The following PPFIA2 variants were observed in gnomAD, a reference collection of about 807,000 sequenced individuals.
PPFIA2 encodes PPFI scaffold protein A2, also known as liprin-alpha-2.
Under a neutral mutation model 175.5 loss-of-function variants are expected in PPFIA2, and 46 were observed. The observed-to-expected ratio is 0.26, with a 90% CI of 0.21 to 0.34. PPFIA2 has a LOEUF of 0.34. Ranked by LOEUF, PPFIA2 falls within the 10% of genes least tolerant of loss-of-function variation. The pLI is 1.00. For missense variants in PPFIA2, 1,179 were observed against 1,506.1 expected, an observed-to-expected ratio of 0.78 and a Z score of 3.60; for synonymous variants, 568 against 511.4, an observed-to-expected ratio of 1.11 and a Z score of -1.49.
intron 4 of PPFIA2, among the ~76,000 whole-genome samples, chr12:81,462,976 T>C (rs1471433269): frequency 6.6e-6 from 1 of 152,068 alleles, no homozygotes; most frequent in African/African-American, 2.4e-5. Flanking sequence ...AGTGAAAGTA[T>C]GTGTTTAACT....
At chr12:81,462,340 CTCTT>C (rs1440024861) in intron 4 of PPFIA2, among the ~76,000 whole-genome samples, 1 of 142,702 alleles carries the variant, frequency 7.0e-6, no homozygotes, top group African/African-American at 2.5e-5. Flanking sequence ...TGTCATTTTG[CTCTT>C]TGTAGTTGTG....
In PPFIA2 at chr12:81,360,430, C is replaced by T. The variant is rs528329245; in HGVS notation, c.1638-2213G>A. Among the ~76,000 whole-genome samples, 6 of 151,864 alleles carry T rather than the reference C, an allele frequency of 4.0e-5. No homozygotes were observed. The South Asian group carries it at 1.0e-3, about 26-fold the overall frequency. ...AGGTAAGAATTTTTTTAGAGAAAAC[C>T]TATTACCCATCGCTCTGCTTCCTGG... On this transcript the variant is annotated intron_variant, in intron 15 of 32. Coordinates refer to ENST00000549396, the MANE Select transcript of PPFIA2 (RefSeq NM_003625.5).
intron 3 of PPFIA2, among the ~76,000 whole-genome samples, chr12:81,751,142 A>G (rs2083711373): frequency 6.6e-6 from 1 of 152,156 alleles, no homozygotes; most frequent in South Asian, 2.1e-4. Flanking sequence ...TTTAAAAAAA[A>G]AAGATGATTA....
intron 4 of PPFIA2, among the ~76,000 whole-genome samples, chr12:81,462,727 C>G (rs2054875586): frequency 6.6e-6 from 1 of 151,128 alleles, no homozygotes; most frequent in Non-Finnish European, 1.5e-5. Flanking sequence ...TAGGCTAGCT[C>G]TAGTGCTGAA....
intron 4 of PPFIA2, among the ~76,000 whole-genome samples, chr12:81,672,545 G>T (rs538979189): frequency 6.6e-4 from 100 of 151,962 alleles, no homozygotes; most frequent in African/African-American, 2.2e-3. Context: ...CAAGCCCAAG[G>T]ATATGAATTA....
At chr12:81,713,884 G>C (rs1261104004) in intron 3 of PPFIA2, among the ~76,000 whole-genome samples, 2 of 151,248 alleles carry the variant, frequency 1.3e-5, no homozygotes, top group Non-Finnish European at 2.9e-5. Flanking sequence ...TGTGAACAGT[G>C]ACAATTTGTC....
chr12:81,668,618 G>C (rs1028840646), intron 4 of PPFIA2, among the ~76,000 whole-genome samples: 1 of 151,984 alleles, frequency 6.6e-6, no homozygotes, highest in Non-Finnish European at 1.5e-5. Flanking sequence ...TCCCTCCACA[G>C]AGTAAAAACC....
At chr12:81,393,763 G>A (rs1213222978) in intron 8 of PPFIA2, among the ~76,000 whole-genome samples, 2 of 152,046 alleles carry the variant, frequency 1.3e-5, no homozygotes, top group African/African-American at 4.8e-5. Flanking sequence ...ACCCAGTGGT[G>A]GTTCTGGCAT....
chr12:81,631,589 A>AAATGAATGAAATT (rs1411442046), intron 4 of PPFIA2, among the ~76,000 whole-genome samples: 3 of 152,210 alleles, frequency 2.0e-5, no homozygotes, highest in Admixed American at 2.0e-4. Flanking sequence ...CATTCTATTA[A>AAATGAATGAAATT]AACATTTCTT....
In PPFIA2 at chr12:81,650,791, G is replaced by A. The variant is rs1233817647; in HGVS notation, c.303+26000C>T. Among the ~76,000 whole-genome samples, 4 of 152,288 alleles carry A rather than the reference G, an allele frequency of 2.6e-5. No homozygotes were observed. In the South Asian group the frequency reaches 8.3e-4, roughly 32 times the overall value. On this transcript the variant is annotated intron_variant, in intron 4 of 32. Coordinates refer to ENST00000549396, the MANE Select transcript of PPFIA2 (RefSeq NM_003625.5). ...TTAGATTTAGCTACCTGCAGTGGAA[G>A]CTATGATTGTTCTTGACCACCGTAA...
chr12:81,259,063 G>T lies in PPFIA2; in HGVS notation c.*631C>A, dbSNP rs2034554790. 1 of 166,308 alleles carries T rather than the reference G, an allele frequency of 6.0e-6. No individual in the cohort carries two copies. Among genetic ancestry groups the T allele is most frequent in the Admixed American group, 6.3e-5 (1 of 15,774 alleles). The allele number at this position is 166,308 out of a possible 1,614,324, so 10.3% of individuals were successfully genotyped here. A position where few individuals can be genotyped will look rare whatever the true frequency, so the allele number is the denominator to read the frequency against. ...AGCTCTATTTTTGGCTCCGGTTCCA[G>T]GTTAAATCATTCTTTTTTACATGAT... On this transcript the variant is annotated 3_prime_UTR_variant, in exon 33 of 33. Coordinates refer to ENST00000549396, the MANE Select transcript of PPFIA2 (RefSeq NM_003625.5).
At chr12:81,619,180 G>A (rs1400983262) in intron 4 of PPFIA2, among the ~76,000 whole-genome samples, 5 of 152,122 alleles carry the variant, frequency 3.3e-5, no homozygotes, top group Non-Finnish European at 7.4e-5. Flanking sequence ...TAAAACATCC[G>A]TCTCTGGTAA....
Position 81,626,361 on chromosome 12 carries a change from A to T in PPFIA2, c.303+50430T>A, listed in dbSNP as rs191212479. Reference sequence around the variant, plus strand: ...GCCTATTCCAACTTATAAAACCCCAAATTTTAAGGCTACATTATATGATCT... The same window carrying T: ...GCCTATTCCAACTTATAAAACCCCATATTTTAAGGCTACATTATATGATCT... On this transcript the variant is annotated intron_variant, in intron 4 of 32. Transcript: ENST00000549396. Among the ~76,000 whole-genome samples the T allele has an allele frequency of 1.6e-3, 250 of 152,122 alleles. 1 individual carries two copies. The highest frequency in any genetic ancestry group is 5.8e-3 in the African/African-American group (243 of 41,542).
intron 7 of PPFIA2, among the ~76,000 whole-genome samples, chr12:81,419,681 C>G (rs904522013): frequency 2.0e-5 from 3 of 151,988 alleles, no homozygotes; most frequent in Admixed American, 1.3e-4. Context: ...TTATATTTAA[C>G]TCATTTTTCA....
chr12:81,337,109 T>C (rs900000925), intron 21 of PPFIA2, among the ~76,000 whole-genome samples: 14 of 152,292 alleles, frequency 9.2e-5, no homozygotes, highest in Admixed American at 6.5e-4. Flanking sequence ...GGAACCTGTT[T>C]AGACCTATGT....
rs546173688 is a variant in PPFIA2 at position 81,339,352 on chromosome 12, G to A, written c.2394-18C>T. 1.7e-5 allele frequency: 27 copies of A among 1,542,906 alleles called. No individual in the cohort carries two copies. The Admixed American group carries it at 4.8e-4, about 28-fold the overall frequency. ...ATAAACTACTGCAAAACACAAAAGA[G>A]GAAAATACATGCAACATCCACAAGG... On this transcript the variant is annotated intron_variant, in intron 20 of 32. Transcript: ENST00000549396.
chr12:81,602,060 A>T (rs1455974681), intron 4 of PPFIA2, among the ~76,000 whole-genome samples: 1 of 151,814 alleles, frequency 6.6e-6, no homozygotes, highest in Non-Finnish European at 1.5e-5. Context: ...GTATTTTATC[A>T]GTAATATTAT....
intron 8 of PPFIA2, among the ~76,000 whole-genome samples, chr12:81,397,170 A>C (rs2041283612): frequency 6.6e-6 from 1 of 152,064 alleles, no homozygotes; most frequent in Non-Finnish European, 1.5e-5. Flanking sequence ...AAAGATTCAT[A>C]AATTATTAGT....
At chr12:81,619,473 T>C (rs1882537) in intron 4 of PPFIA2, among the ~76,000 whole-genome samples, 9,696 of 152,250 alleles carry the variant, frequency 0.064, 426 homozygotes, top group East Asian at 0.25. Flanking sequence ...GACTAGTTTA[T>C]ATCTTCACTT....
Sources: gnomAD v4.1 joint callset for allele counts (sites outside exome capture counted in the v4.1 genomes callset) on GRCh38, gnomAD v4.1.1 for gene constraint, MANE v1.5 for transcripts, NCBI Gene and HGNC (gene_info 2026-07-23, HGNC 2026-07-21) for gene names.